PAPPA2: variants seen among roughly 807,000 people sequenced by gnomAD.
PAPPA2 encodes pappalysin-2.
A neutral mutation model predicts 176.4 loss-of-function variants in PAPPA2; 86 were observed. The observed-to-expected ratio is 0.49, with a 90% CI of 0.41 to 0.58. PAPPA2 has a LOEUF of 0.58. Among genes scored for constraint, PAPPA2 ranks in the 20% least tolerant of loss-of-function variants. The pLI, the probability that PAPPA2 is intolerant of heterozygous loss-of-function variation, is 0.00. For missense variants in PAPPA2, 2,073 were observed against 2,256.9 expected (o/e 0.92, Z 1.65); for synonymous variants, 809 against 852.2 (o/e 0.95, Z 0.88).
intron 17 of PAPPA2, among the ~76,000 whole-genome samples, chr1:176,774,814 C>T (rs1430869045): frequency 6.6e-6 from 1 of 152,180 alleles, no homozygotes; most frequent in African/African-American, 2.4e-5. Context: ...CACAATCTAG[C>T]AGGGCTTCGC....
At chr1:176,491,014 A>G (rs1400339579) in intron 1 of PAPPA2, among the ~76,000 whole-genome samples, 1 of 152,212 alleles carries the variant, frequency 6.6e-6, no homozygotes, top group Non-Finnish European at 1.5e-5. Flanking sequence ...CTCTGCCTGT[A>G]ACCTCACCAA....
At chr1:176,511,134 T>C (rs904757639) in intron 1 of PAPPA2, among the ~76,000 whole-genome samples, 1 of 152,028 alleles carries the variant, frequency 6.6e-6, no homozygotes, top group Admixed American at 6.6e-5. Flanking sequence ...GTCTATAAAA[T>C]GTGTACAGTA....
intron 21 of PAPPA2, among the ~76,000 whole-genome samples, chr1:176,808,744 C>G (rs1481161699): frequency 2.6e-5 from 4 of 151,728 alleles, no homozygotes; most frequent in African/African-American, 9.7e-5. Context: ...CTTCCACAGG[C>G]ATTAGAAAAT....
intron 18 of PAPPA2, among the ~76,000 whole-genome samples, chr1:176,790,743 G>A (rs1665139733): frequency 6.6e-6 from 1 of 152,136 alleles, no homozygotes; most frequent in African/African-American, 2.4e-5. Context: ...ACTTTTTGGG[G>A]TTTTGAGAGT....
intron 1 of PAPPA2, among the ~76,000 whole-genome samples, chr1:176,510,576 T>G (rs1648534831): frequency 6.6e-6 from 1 of 152,148 alleles, no homozygotes; most frequent in South Asian, 2.1e-4. Context: ...TAAAGAACCC[T>G]ACAAATTGTA....
At position 176,481,252 on chromosome 1, in the gene PAPPA2, G is replaced by GCACACACACA. The variant is rs56206580; in HGVS notation, c.-917+17873_-917+17882dup. ...TTGATTTAAGCGCTGAGATTTTAAA[G>GCACACACACA]CACACACACACACACACACACACAC... On this transcript the variant is annotated intron_variant, in intron 1 of 22. Transcript: ENST00000367662. Among the ~76,000 whole-genome samples, 469 of 140,306 alleles carry GCACACACACA rather than the reference G, an allele frequency of 3.3e-3. 2 individuals carry two copies. Among genetic ancestry groups the GCACACACACA allele is most frequent in the East Asian group, 0.016 (67 of 4,322 alleles). 92.0% of individuals were successfully genotyped at this position (140,306 alleles called of 152,430 possible).
At chr1:176,531,680 A>G (rs1322721663) in intron 1 of PAPPA2, among the ~76,000 whole-genome samples, 1 of 152,164 alleles carries the variant, frequency 6.6e-6, no homozygotes. Context: ...ACTGTTGAAC[A>G]AGCAACTGAT....
intron 14 of PAPPA2, among the ~76,000 whole-genome samples, chr1:176,744,851 C>A (rs1011738803): frequency 1.3e-5 from 2 of 151,990 alleles, no homozygotes; most frequent in African/African-American, 4.8e-5. Context: ...ATTTTGGTTG[C>A]CAATCTTGGT....
intron 3 of PAPPA2, among the ~76,000 whole-genome samples, chr1:176,625,853 G>A (rs966445410): frequency 5.3e-5 from 8 of 151,856 alleles, no homozygotes; most frequent in Non-Finnish European, 1.2e-4. Context: ...AGATCCCTGT[G>A]TCTACAAAAA....
At chr1:176,689,311 C>T (rs1659989016) in intron 4 of PAPPA2, among the ~76,000 whole-genome samples, 1 of 152,174 alleles carries the variant, frequency 6.6e-6, no homozygotes, top group Non-Finnish European at 1.5e-5. Context: ...AATGATACCA[C>T]TAAGTCTCTC....
chr1:176,734,487 G>A (rs1662305765), intron 12 of PAPPA2, among the ~76,000 whole-genome samples: 1 of 151,830 alleles, frequency 6.6e-6, no homozygotes. Context: ...AATCAGCTGG[G>A]TTTTAGCCAT....
At chr1:176,613,395 T>G (rs1020178320) in intron 3 of PAPPA2, among the ~76,000 whole-genome samples, 3 of 152,186 alleles carry the variant, frequency 2.0e-5, no homozygotes, top group African/African-American at 7.2e-5. Flanking sequence ...TGAGGAGGCG[T>G]CTCTCAAATT....
chr1:176,687,685 G>GA (rs1173567857), intron 4 of PAPPA2, among the ~76,000 whole-genome samples: 1 of 152,002 alleles, frequency 6.6e-6, no homozygotes, highest in Non-Finnish European at 1.5e-5. Context: ...AGGATGTGGG[G>GA]ATATTTGATG....
intron 3 of PAPPA2, among the ~76,000 whole-genome samples, chr1:176,623,702 C>CT (rs1379410274): frequency 1.1e-4 from 12 of 105,156 alleles, no homozygotes; most frequent in African/African-American, 5.8e-4. Context: ...TCTTTCCTTT[C>CT]TTTCTTTTCT....
rs768197808 is a variant in PAPPA2, at chr1:176,702,610, G to A, written c.3240G>A (p.Glu1080=). The A allele has an allele frequency of 9.9e-6, 16 of 1,614,078 alleles. No homozygotes were observed. Among genetic ancestry groups the A allele is most frequent in the Non-Finnish European group, 4.2e-6 (5 of 1,179,980 alleles). Residue 1080 remains glutamate, a synonymous_variant, in exon 9 of 23, where the codon GAG becomes GAA. Transcript: ENST00000367662. ...ACAAACCCTTTGGTTTCCACAGGGA[G>A]GTCACACCTGGACAGATGTATCAGT... The part of the protein sequence containing the change: ...THSHRKFTDV[E]VTPGQMYQYQ...
At chr1:176,640,608 G>A (rs1657021063) in intron 3 of PAPPA2, among the ~76,000 whole-genome samples, 1 of 151,958 alleles carries the variant, frequency 6.6e-6, no homozygotes, top group Non-Finnish European at 1.5e-5. Context: ...ATTTGGGTTG[G>A]TTCCAAGTCT....
At chr1:176,676,876 G>A (rs977412827) in intron 4 of PAPPA2, among the ~76,000 whole-genome samples, 8 of 152,052 alleles carry the variant, frequency 5.3e-5, no homozygotes, top group African/African-American at 1.7e-4. Flanking sequence ...TTGAGTAAAT[G>A]TATCAAATTT....
intron 3 of PAPPA2, among the ~76,000 whole-genome samples, chr1:176,666,655 T>TGAG (rs1658673531): frequency 8.1e-6 from 1 of 123,654 alleles, no homozygotes; most frequent in African/African-American, 3.1e-5. Flanking sequence ...GACCCAGTGA[T>TGAG]AGAGTTCATG....
At chr1:176,591,085 G>GCACACACACACACACACA (rs66535582) in intron 2 of PAPPA2, among the ~76,000 whole-genome samples, 1 of 142,246 alleles carries the variant, frequency 7.0e-6, no homozygotes, top group South Asian at 2.2e-4. Context: ...TCACACACAT[G>GCACACACACACACACACA]CACACACACA....
Sources: gnomAD v4.1 joint callset for allele counts (sites outside exome capture counted in the v4.1 genomes callset) on GRCh38, gnomAD v4.1.1 for gene constraint, MANE v1.5 for transcripts, NCBI Gene and HGNC (gene_info 2026-07-23, HGNC 2026-07-21) for gene names.